The following STAT3 variants were observed in gnomAD, a reference collection of about 807,000 sequenced individuals.
The protein encoded by STAT3 is signal transducer and activator of transcription 3, also known as DNA-binding protein APRF.
Under a neutral mutation model 114.3 loss-of-function variants are expected in STAT3, and 7 were observed. The observed-to-expected ratio is 0.06, with a 90% CI of 0.03 to 0.11. STAT3 has a LOEUF of 0.11. STAT3 is among the 10% of genes least tolerant of loss of function. STAT3 has a pLI of 1.00. For missense variants in STAT3, 364 were observed against 960.9 expected, an observed-to-expected ratio of 0.38 and a Z score of 8.21; for synonymous variants, 331 against 354.5, an observed-to-expected ratio of 0.93 and a Z score of 0.74.
chr17:42,339,197 A>G (rs2082340628), intron 5 of STAT3, 117 bp downstream of exon 5: 5 of 979,694 alleles, frequency 5.1e-6, no homozygotes, highest in Non-Finnish European at 7.8e-6. Context: ...TCGAGGCTGC[A>G]GTGAGCTGTG....
chr17:42,362,640 C>A (rs1036249018), intron 1 of STAT3, among the ~76,000 whole-genome samples: 1 of 152,202 alleles, frequency 6.6e-6, no homozygotes. Context: ...CCTCTTTGTG[C>A]CTTAATTTCC....
intron 1 of STAT3, among the ~76,000 whole-genome samples, chr17:42,362,754 C>T (rs558431393): frequency 1.3e-5 from 2 of 152,296 alleles, no homozygotes; most frequent in African/African-American, 4.8e-5. Flanking sequence ...TAGCGTGCAG[C>T]ATGTAAGTGT....
At chr17:42,346,253 T>C (rs937273326) in intron 3 of STAT3, among the ~76,000 whole-genome samples, 4 of 152,186 alleles carry the variant, frequency 2.6e-5, no homozygotes, top group African/African-American at 9.7e-5. Context: ...AGTATCCCAT[T>C]ATGGTCAAAC....
rs1064119 is a variant in STAT3 at position 42,323,283 on chromosome 17, G to A, written c.1725C>T (p.Tyr575=). Reference sequence around the variant, plus strand: ...ACCCTTCGTTCCAAAGGGCCAGGATGTACTTTTTCACAAGGTCAATGATAT... The same window carrying A: ...ACCCTTCGTTCCAAAGGGCCAGGATATACTTTTTCACAAGGTCAATGATAT... The part of the protein sequence containing the change: ...LDNIIDLVKK[Y]ILALWNEGYI... The change falls in exon 19 of 24, where the codon TAC becomes TAT. Residue 575 remains tyrosine (Y), a synonymous_variant. Transcript: ENST00000264657. The A allele has an allele frequency of 6.2e-7, 1 of 1,614,194 alleles. No individual in the cohort carries two copies. Among genetic ancestry groups the A allele is most frequent in the South Asian group, 1.1e-5 (1 of 91,086 alleles).
chr17:42,318,817 T>C (rs914982642), intron 21 of STAT3, among the ~76,000 whole-genome samples: 1 of 152,168 alleles, frequency 6.6e-6, no homozygotes, highest in African/African-American at 2.4e-5. Flanking sequence ...GCCAAGAAAC[T>C]GATCAATTCA....
chr17:42,387,625 G>A (rs1181620911), intron 1 of STAT3: 1 of 152,284 alleles, frequency 6.6e-6, no homozygotes, highest in East Asian at 1.9e-4. Flanking sequence ...ACAAGGCGGG[G>A]ACGTGGGGGG....
At chr17:42,379,855 C>T (rs1291859404) in intron 1 of STAT3, among the ~76,000 whole-genome samples, 1 of 152,162 alleles carries the variant, frequency 6.6e-6, no homozygotes, top group Non-Finnish European at 1.5e-5. Flanking sequence ...GCCTCAATTT[C>T]CTCTAACAGA....
chr17:42,385,874 A>C (rs915272711), intron 1 of STAT3, among the ~76,000 whole-genome samples: 5 of 152,354 alleles, frequency 3.3e-5, no homozygotes, highest in African/African-American at 9.6e-5. Flanking sequence ...TTAGAAAAAT[A>C]ATCTAAGCAA....
chr17:42,325,568 CT>C (rs72322568), intron 15 of STAT3, among the ~76,000 whole-genome samples: 190 of 145,210 alleles, frequency 1.3e-3, no homozygotes, highest in Admixed American at 1.6e-3. Context: ...GTTCTAATTT[CT>C]TTTTTTTTTT....
At chr17:42,388,046 G>A in intron 1 of STAT3, 1 of 471,024 alleles carries the variant, frequency 2.1e-6, no homozygotes, top group Non-Finnish European at 3.4e-6. Context: ...CCTCGAGCGC[G>A]TTCTGTTTCT....
intron 10 of STAT3, among the ~76,000 whole-genome samples, chr17:42,332,012 C>T (rs2082033948): frequency 2.0e-5 from 3 of 151,888 alleles, no homozygotes; most frequent in Admixed American, 1.3e-4. Flanking sequence ...ACCGCAACCT[C>T]CGCCTCCTGG....
intron 2 of STAT3, 92 bp from the exon 3 acceptor site, chr17:42,346,805 A>T (rs959372491): frequency 1.3e-6 from 2 of 1,581,862 alleles, no homozygotes; most frequent in African/African-American, 2.7e-5. Flanking sequence ...AAAAAAACAA[A>T]AAAACAAAGC....
chr17:42,367,767 T>C (rs1464307103), intron 1 of STAT3, among the ~76,000 whole-genome samples: 1 of 152,168 alleles, frequency 6.6e-6, no homozygotes, highest in Non-Finnish European at 1.5e-5. Flanking sequence ...TTAAGCCCCA[T>C]AAGAACAAAG....
intron 1 of STAT3, among the ~76,000 whole-genome samples, chr17:42,365,475 T>C (rs1251149076): frequency 6.6e-6 from 1 of 152,014 alleles, no homozygotes; most frequent in Non-Finnish European, 1.5e-5. Context: ...CATAGTCAAA[T>C]GATTGCTGCT....
At chr17:42,353,088 C>G (rs138391971) in intron 1 of STAT3, among the ~76,000 whole-genome samples, 252 of 152,250 alleles carry the variant, frequency 1.7e-3, no homozygotes, top group Non-Finnish European at 2.9e-3. Flanking sequence ...TGGCTCATGC[C>G]TGTAATCCCA....
chr17:42,339,466 C>T lies in STAT3; in HGVS notation c.373-57G>A. 5.8e-6 allele frequency: 9 copies of T among 1,555,074 alleles called. No individual in the cohort carries two copies. The South Asian group carries it at 6.7e-5, about 12-fold the overall frequency. ...CACAGAACTATGGGGAGAGGAATACCTCTACCCAGCTTCCATCCCACCCTA... is the reference window on the plus strand; with the variant it reads ...CACAGAACTATGGGGAGAGGAATACTTCTACCCAGCTTCCATCCCACCCTA... On this transcript the variant is annotated intron_variant, in intron 4 of 23. Coordinates refer to ENST00000264657, the MANE Select transcript of STAT3 (RefSeq NM_139276.3).
chr17:42,387,313 C>T (rs1300132374), intron 1 of STAT3: 1 of 152,210 alleles, frequency 6.6e-6, no homozygotes, highest in Non-Finnish European at 1.5e-5. Flanking sequence ...CCACACCCCC[C>T]AAATGCATGT....
At chr17:42,347,135 C>T (rs1459452741) in intron 2 of STAT3, among the ~76,000 whole-genome samples, 2 of 136,988 alleles carry the variant, frequency 1.5e-5, no homozygotes, top group Non-Finnish European at 3.0e-5. Context: ...TGCAGTGAGC[C>T]GAGACTGTAC....
At position 42,331,457 on chromosome 17, in the gene STAT3, G is replaced by T. The variant is rs1482698609; in HGVS notation, c.1109+15C>A. On this transcript the variant is annotated intron_variant, in intron 11 of 23. Coordinates refer to ENST00000264657, the MANE Select transcript of STAT3 (RefSeq NM_139276.3). ...TTCCTCATTTGAAAAACAGAGCTAA[G>T]ATAGGAGTACTTACTTGTCAATGCA... 6.8e-6 allele frequency: 11 copies of T among 1,608,232 alleles called. No individual in the cohort carries two copies. Among genetic ancestry groups the T allele is most frequent in the Non-Finnish European group, 9.4e-6 (11 of 1,174,970 alleles).
Sources: allele counts gnomAD v4.1 joint callset (sites outside exome capture counted in the v4.1 genomes callset), GRCh38; gene constraint gnomAD v4.1.1; transcripts MANE v1.5; gene names NCBI Gene and HGNC (gene_info 2026-07-23, HGNC 2026-07-21).